ZNF507: variants seen among roughly 807,000 people sequenced by gnomAD.
ZNF507 encodes zinc finger protein 507.
Under a neutral mutation model 80.0 loss-of-function variants are expected in ZNF507, and 29 were observed. That is an observed-to-expected ratio of 0.36 (90% CI 0.27 to 0.49). The LOEUF (loss-of-function observed/expected upper bound fraction) is 0.49, where lower values mean the gene tolerates loss of function less well. Among genes scored for constraint, ZNF507 ranks in the 20% least tolerant of loss-of-function variants. The pLI, the probability that ZNF507 is intolerant of heterozygous loss-of-function variation, is 0.98. For missense variants in ZNF507, 1,081 were observed against 1,152.2 expected (o/e 0.94, Z 0.90); for synonymous variants, 462 against 422.5 (o/e 1.09, Z -1.15).
rs1335269170 is a variant in ZNF507, at chr19:32,382,614, AC to A, written c.2495+18del. 1.2e-6 allele frequency: 2 copies of A among 1,613,954 alleles called. No individual in the cohort carries two copies. Among genetic ancestry groups the A allele is most frequent in the African/African-American group, 2.7e-5 (2 of 75,008 alleles). ...CACAAAGTGGCAGGTATTTCATCCT[AC>A]CCCCTCCCTTTATTGCTATATGTAA... is the stretch of plus-strand genomic sequence containing the variant. On this transcript the variant is annotated intron_variant, in intron 6 of 6. Coordinates refer to ENST00000355898, the MANE Select transcript of ZNF507 (RefSeq NM_001136156.2).
rs764276656 is a variant in ZNF507, at chr19:32,354,021, G to C, written c.1191G>C (p.Val397=). ...SSPNKKGHVN[V]IVERLPSAEE... Reference sequence around the variant, plus strand: ...CCAATAAAAAAGGGCATGTTAACGTGATAGTGGAGCGATTGCCAAGTGCTG... The same window carrying C: ...CCAATAAAAAAGGGCATGTTAACGTCATAGTGGAGCGATTGCCAAGTGCTG... Residue 397 remains valine, a synonymous_variant, in exon 3 of 7, where the codon GTG becomes GTC. Transcript: ENST00000355898. The C allele has an allele frequency of 7.4e-6, 12 of 1,614,058 alleles. No homozygotes were observed. The highest frequency in any genetic ancestry group is 9.3e-6 in the Non-Finnish European group (11 of 1,180,048).
At position 32,347,289 on chromosome 19, in the gene ZNF507, A is replaced by G. The variant is rs1368421144; in HGVS notation, c.-52A>G. On this transcript the variant is annotated 5_prime_UTR_variant, in exon 2 of 7. Coordinates refer to ENST00000355898, the MANE Select transcript of ZNF507 (RefSeq NM_001136156.2). ...CCAAGGGACTGTATTAATTTCAGGA[A>G]TTGATTTGAAAGACACTGGCTCTGC... The G allele has an allele frequency of 6.5e-6, 1 of 152,686 alleles. No individual in the cohort carries two copies. The highest frequency in any genetic ancestry group is 1.5e-5 in the Non-Finnish European group (1 of 68,054). The allele number at this position is 152,686 out of a possible 1,614,324, so 9.5% of individuals were successfully genotyped here.
intron 5 of ZNF507, among the ~76,000 whole-genome samples, chr19:32,363,242 T>C (rs970853688): frequency 1.3e-5 from 2 of 152,246 alleles, no homozygotes; most frequent in Non-Finnish European, 1.5e-5. Flanking sequence ...TCTGATTCCC[T>C]ACATTTTGTT....
intron 5 of ZNF507, among the ~76,000 whole-genome samples, chr19:32,375,942 A>T (rs1002791421): frequency 2.0e-5 from 3 of 152,222 alleles, no homozygotes; most frequent in Non-Finnish European, 4.4e-5. Flanking sequence ...CTGGTGCACA[A>T]ATTAAAGTTT....
chr19:32,351,166 G>C (rs1967157475), intron 2 of ZNF507, among the ~76,000 whole-genome samples: 1 of 152,152 alleles, frequency 6.6e-6, no homozygotes, highest in Non-Finnish European at 1.5e-5. Context: ...TGTTGGAATG[G>C]CCATGGAATG....
At chr19:32,377,233 G>A (rs969481103) in intron 5 of ZNF507, among the ~76,000 whole-genome samples, 1 of 152,082 alleles carries the variant, frequency 6.6e-6, no homozygotes, top group African/African-American at 2.4e-5. Context: ...TGACACTGAC[G>A]CTACCGCTAG....
At position 32,354,384 on chromosome 19, in the gene ZNF507, T is replaced by C. The variant is rs1338747145; in HGVS notation, c.1554T>C (p.Tyr518=). The C allele has an allele frequency of 3.1e-6, 5 of 1,614,124 alleles. No individual in the cohort carries two copies. Among genetic ancestry groups the C allele is most frequent in the Non-Finnish European group, 3.4e-6 (4 of 1,180,016 alleles). Residue 518 remains tyrosine (Y), a synonymous_variant, in exon 3 of 7, where the codon TAT becomes TAC. Coordinates refer to ENST00000355898, the MANE Select transcript of ZNF507 (RefSeq NM_001136156.2). ...TGACAAGAGCCAACCTGGGGCACTATGGAGATATAAACCTTTTAGATCCAG... is the reference window on the plus strand; with the variant it reads ...TGACAAGAGCCAACCTGGGGCACTACGGAGATATAAACCTTTTAGATCCAG... ...AELTRANLGH[Y]GDINLLDPDT...
chr19:32,372,088 A>C (rs1038601399), intron 5 of ZNF507, among the ~76,000 whole-genome samples: 1 of 152,216 alleles, frequency 6.6e-6, no homozygotes, highest in Non-Finnish European at 1.5e-5. Context: ...GCTCTATGCT[A>C]CTTAGTAGAG....
In ZNF507 at chr19:32,383,182, G is replaced by A. The variant is rs114137801; in HGVS notation, c.*99G>A. ...ACAACTTCCTGCCACAGAAGAAGTC[G>A]TTGATGTGATTTTTGAGGAAATGAC... On this transcript the variant is annotated 3_prime_UTR_variant, in exon 7 of 7. Coordinates refer to ENST00000355898, the MANE Select transcript of ZNF507 (RefSeq NM_001136156.2). 8.5e-4 allele frequency: 1,239 copies of A among 1,460,232 alleles called. 10 individuals are homozygous for A. In the African/African-American group the frequency reaches 0.015, roughly 18 times the overall value. 90.5% of individuals were successfully genotyped at this position (1,460,232 alleles called of 1,614,324 possible). A position where few individuals can be genotyped will look rare whatever the true frequency, so the allele number is the denominator to read the frequency against.
intron 2 of ZNF507, among the ~76,000 whole-genome samples, chr19:32,348,172 C>T (rs1375738136): frequency 6.6e-6 from 1 of 152,134 alleles, no homozygotes; most frequent in Non-Finnish European, 1.5e-5. Flanking sequence ...ATTGAGGGCA[C>T]TTTAGGGGAG....
At chr19:32,355,105 C>T in intron 3 of ZNF507, 148 bp downstream of exon 3, 1 of 738,998 alleles carries the variant, frequency 1.4e-6, no homozygotes, top group Non-Finnish European at 2.1e-6. Flanking sequence ...GGGATCCCAA[C>T]TTACCAGTAT....
chr19:32,373,281 T>A (rs371054779), intron 5 of ZNF507, among the ~76,000 whole-genome samples: 24 of 152,238 alleles, frequency 1.6e-4, no homozygotes, highest in African/African-American at 5.3e-4. Flanking sequence ...CATGACCTAG[T>A]CACCTTCCAA....
chr19:32,346,189 T>C (rs1411268804), intron 1 of ZNF507, among the ~76,000 whole-genome samples: 1 of 152,140 alleles, frequency 6.6e-6, no homozygotes, highest in East Asian at 1.9e-4. Flanking sequence ...ATCACCTCAG[T>C]CCTTTAGCCA....
chr19:32,369,755 CT>C (rs1396012711), intron 5 of ZNF507, among the ~76,000 whole-genome samples: 2 of 152,090 alleles, frequency 1.3e-5, no homozygotes, highest in Non-Finnish European at 2.9e-5. Context: ...ATCTTACGTA[CT>C]TTTTTGTGGC....
In ZNF507 at chr19:32,354,732, C is replaced by A. The variant is rs1445923447; in HGVS notation, c.1902C>A (p.Ile634=). 6.2e-7 allele frequency: 1 copy of A among 1,614,184 alleles called. No individual in the cohort carries two copies. The highest frequency in any genetic ancestry group is 1.1e-5 in the South Asian group (1 of 91,082). Reference sequence around the variant, plus strand: ...CCGGAAACAATGTGGTGGAATACATCCCGAATGCTGAACGACCCTACCGTT... The same window carrying A: ...CCGGAAACAATGTGGTGGAATACATACCGAATGCTGAACGACCCTACCGTT... ...SLSGNNVVEY[I]PNAERPYRCR... Residue 634 remains isoleucine (I), a synonymous_variant, in exon 3 of 7, where the codon ATC becomes ATA. Transcript: ENST00000355898.
At chr19:32,359,982 C>T (rs1415475204) in intron 4 of ZNF507, among the ~76,000 whole-genome samples, 1 of 152,130 alleles carries the variant, frequency 6.6e-6, no homozygotes, top group African/African-American at 2.4e-5. Flanking sequence ...CCCACCTCAG[C>T]CTCCCAGAGT....
chr19:32,353,479 AGT>A lies in ZNF507; in HGVS notation c.653_654del (p.Val218GlyfsTer18), dbSNP rs1568302753. 6.2e-7 allele frequency: 1 copy of A among 1,614,244 alleles called. No homozygotes were observed. Among genetic ancestry groups the A allele is most frequent in the Admixed American group, 1.7e-5 (1 of 60,028 alleles). ...RNETIPDIPV[S>X]VDNLQTHTVQ... ...TGAAACCATTCCAGATATCCCAGTA[AGT>A]GTGGACAATCTACAGACTCATACTG... On this transcript the variant is annotated frameshift_variant, in exon 3 of 7. Coordinates refer to ENST00000355898, the MANE Select transcript of ZNF507 (RefSeq NM_001136156.2). LOFTEE classifies it high-confidence loss of function.
rs10418818 is a variant in ZNF507, at chr19:32,377,819, G to C, written c.2361-4648G>C. The stretch of plus-strand genomic sequence containing the variant: ...TTCCCAGTGGTACACTTTGGAAACC[G>C]GGTTGAGAAAGAGGAACTTGACCCT... On this transcript the variant is annotated intron_variant, in intron 5 of 6. Transcript: ENST00000355898. Among the ~76,000 whole-genome samples, 273 of 152,240 alleles carry C rather than the reference G, an allele frequency of 1.8e-3. 2 individuals are homozygous for C. Among genetic ancestry groups the C allele is most frequent in the African/African-American group, 6.2e-3 (257 of 41,528 alleles).
In ZNF507 at chr19:32,354,379, C is replaced by T. The variant is rs1396156115; in HGVS notation, c.1549C>T (p.His517Tyr). 1.9e-6 allele frequency: 3 copies of T among 1,613,968 alleles called. No individual in the cohort carries two copies. The highest frequency in any genetic ancestry group is 2.5e-6 in the Non-Finnish European group (3 of 1,180,036). The change falls in exon 3 of 7, where the codon CAC becomes TAC. Residue 517 changes from histidine (H) to tyrosine (Y), a missense_variant. His to Tyr is a moderately conservative substitution (Grantham distance 83). Coordinates refer to ENST00000355898, the MANE Select transcript of ZNF507 (RefSeq NM_001136156.2). ...AGAGTTGACAAGAGCCAACCTGGGG[C>T]ACTATGGAGATATAAACCTTTTAGA... ...AAELTRANLG[H>Y]YGDINLLDPD...
Sources: gnomAD v4.1 joint callset for allele counts (sites outside exome capture counted in the v4.1 genomes callset) on GRCh38, gnomAD v4.1.1 for gene constraint, MANE v1.5 for transcripts, NCBI Gene and HGNC (gene_info 2026-07-23, HGNC 2026-07-21) for gene names.